ADGRA3: variants seen among roughly 807,000 people sequenced by gnomAD.
The protein encoded by ADGRA3 is adhesion G protein-coupled receptor A3.
In ADGRA3, 56 loss-of-function variants were observed where a neutral mutation model predicts 119.8. The ratio of observed to expected loss-of-function variants is 0.47; its 90% CI spans 0.38 to 0.58. The LOEUF (loss-of-function observed/expected upper bound fraction) is 0.58. Ranked by LOEUF, ADGRA3 falls within the 20% of genes least tolerant of loss-of-function variation. ADGRA3 has a pLI of 0.00. For synonymous variants in ADGRA3, 607 were observed against 623.8 expected (o/e 0.97, Z 0.40); for missense variants, 1,516 against 1,649.0 (o/e 0.92, Z 1.40).
At chr4:22,488,607 T>C (rs183724169) in intron 1 of ADGRA3, among the ~76,000 whole-genome samples, 213 of 152,254 alleles carry the variant, frequency 1.4e-3, no homozygotes, top group Non-Finnish European at 2.6e-3. Context: ...TTCGGGGATC[T>C]AGAGGCCAAA....
intron 10 of ADGRA3, among the ~76,000 whole-genome samples, chr4:22,427,236 C>T (rs945405910): frequency 6.6e-6 from 1 of 152,076 alleles, no homozygotes. Context: ...TTGTAAGGCA[C>T]CACTGAAATA....
chr4:22,421,800 A>C (rs1715697760), intron 11 of ADGRA3, among the ~76,000 whole-genome samples: 1 of 146,378 alleles, frequency 6.8e-6, no homozygotes, highest in Non-Finnish European at 1.5e-5. Flanking sequence ...GAATTGCTTG[A>C]ACTTAGGGAG....
chr4:22,499,033 G>C (rs544877856), intron 1 of ADGRA3, among the ~76,000 whole-genome samples: 1 of 152,178 alleles, frequency 6.6e-6, no homozygotes, highest in South Asian at 2.1e-4. Context: ...GTAAGTGAGG[G>C]GCAATTAGTA....
In ADGRA3 at chr4:22,419,594, T is replaced by C. The variant is rs572185982; in HGVS notation, c.1809+1292A>G. On this transcript the variant is annotated intron_variant, in intron 12 of 18. Coordinates refer to ENST00000334304, the MANE Select transcript of ADGRA3 (RefSeq NM_145290.4). The stretch of plus-strand genomic sequence containing the variant: ...TTACCCAGAGGGGTAGGTTGTGAAA[T>C]TGATGAAATGTAGGGTTTCGTCATT... 3.3e-5 allele frequency among the ~76,000 whole-genome samples: 5 copies of C among 152,276 alleles called. No individual in the cohort carries two copies. The South Asian group carries it at 1.0e-3, about 32-fold the overall frequency.
intron 1 of ADGRA3, among the ~76,000 whole-genome samples, chr4:22,486,850 A>G (rs141178653): frequency 6.6e-6 from 1 of 152,210 alleles, no homozygotes; most frequent in Admixed American, 6.5e-5. Context: ...CCTCATCTGT[A>G]TATCATCCCA....
At chr4:22,508,953 G>A (rs79188048) in intron 1 of ADGRA3, among the ~76,000 whole-genome samples, 4,263 of 152,000 alleles carry the variant, frequency 0.028, 76 homozygotes, top group African/African-American at 0.041. Context: ...TTCCCTCTTC[G>A]TCCCACCTGC....
intron 1 of ADGRA3, among the ~76,000 whole-genome samples, chr4:22,496,749 T>C (rs1421928026): frequency 6.6e-6 from 1 of 152,186 alleles, no homozygotes. Context: ...GGAACCCTGA[T>C]ATATACAAAA....
At chr4:22,401,704 CACAT>C (rs555939260) in intron 15 of ADGRA3, 150 bp from the exon 16 acceptor site, 16,521 of 342,928 alleles carry the variant, frequency 0.048, 17 homozygotes, top group Non-Finnish European at 0.058. Context: ...GACACACACA[CACAT>C]ACACACACGC....
chr4:22,406,593 T>C (rs974728941), intron 14 of ADGRA3, among the ~76,000 whole-genome samples: 3 of 152,198 alleles, frequency 2.0e-5, no homozygotes, highest in Admixed American at 6.5e-5. Flanking sequence ...TGTTGGTCAT[T>C]TGTATGTCTT....
At chr4:22,437,029 A>G (rs1236796559) in intron 8 of ADGRA3, among the ~76,000 whole-genome samples, 1 of 152,240 alleles carries the variant, frequency 6.6e-6, no homozygotes, top group African/African-American at 2.4e-5. Context: ...TCATTGATCT[A>G]TAAACATTTA....
In ADGRA3 at chr4:22,442,685, T is replaced by C. The variant is rs1204760069; in HGVS notation, c.885A>G (p.Glu295=). Residue 295 remains glutamate, a synonymous_variant, in exon 7 of 19, where the codon GAA becomes GAG. Transcript: ENST00000334304. ...ETDESQGIFV[E]KNMIHNCSLI... is the part of the protein sequence containing the mutation. ...AGGAGCAGTTGTGAATCATGTTCTT[T>C]TCAACAAAAATACCTTGCGATTCAT... 3 of 1,613,664 alleles carry C rather than the reference T, an allele frequency of 1.9e-6. No homozygotes were observed. The highest frequency in any genetic ancestry group is 2.5e-6 in the Non-Finnish European group (3 of 1,179,756).
rs550354702 is a variant in ADGRA3 at position 22,515,437 on chromosome 4, G to C, written c.257+91C>G. 7 of 1,449,074 alleles carry C rather than the reference G, an allele frequency of 4.8e-6. No individual in the cohort carries two copies. In the African/African-American group the frequency reaches 7.3e-5, roughly 15 times the overall value. The allele number at this position is 1,449,074 out of a possible 1,614,324, so 89.8% of individuals were successfully genotyped here. A position where few individuals can be genotyped will look rare whatever the true frequency, so the allele number is the denominator to read the frequency against. On this transcript the variant is annotated intron_variant, in intron 1 of 18. Coordinates refer to ENST00000334304, the MANE Select transcript of ADGRA3 (RefSeq NM_145290.4). ...TGCCTACAGCTCCACACAAAGGCGC[G>C]TGGGTGCCGGCTGGACCCTGCTCCA...
Position 22,388,741 on chromosome 4 carries a change from G to C in ADGRA3, c.2930C>G (p.Ser977Cys). The C allele has an allele frequency of 1.2e-6, 2 of 1,614,016 alleles. No homozygotes were observed. The highest frequency in any genetic ancestry group is 8.5e-7 in the Non-Finnish European group (1 of 1,179,936). ...GGCTGATGTAGAAATCAGAGACAAA[G>C]ACATTGAATCCTGATGATTTATTTC... ...NGEINHQDSMSLSLISTSALE... is the reference protein window; with the variant it reads ...NGEINHQDSMCLSLISTSALE... Residue 977 changes from serine (S) to cysteine (C), a missense_variant, in exon 19 of 19, where the codon TCT becomes TGT. Physicochemically the swap from Ser to Cys is moderately radical, Grantham distance 112. Around this residue, in one of 2 missense-constraint regions of ADGRA3, gnomAD observed 1,088 missense variants for 1,107.1 expected, o/e 0.98. Transcript: ENST00000334304.
intron 14 of ADGRA3, among the ~76,000 whole-genome samples, chr4:22,406,290 G>A (rs559844001): frequency 8.5e-5 from 13 of 152,122 alleles, no homozygotes; most frequent in African/African-American, 1.9e-4. Flanking sequence ...AAATGTGAGC[G>A]CAGGTATCTC....
chr4:22,430,696 G>C (rs1394931018), intron 10 of ADGRA3, among the ~76,000 whole-genome samples: 2 of 152,082 alleles, frequency 1.3e-5, no homozygotes, highest in South Asian at 2.1e-4. Flanking sequence ...AAATTCCAGC[G>C]GGCTGCAGAA....
intron 5 of ADGRA3, 43 bp downstream of exon 5, chr4:22,447,397 A>T: frequency 2.6e-6 from 3 of 1,159,336 alleles, no homozygotes; most frequent in Non-Finnish European, 1.2e-6. Context: ...TCAAAAAGAC[A>T]TGAAAATCAA....
At chr4:22,494,201 T>G (rs922974347) in intron 1 of ADGRA3, among the ~76,000 whole-genome samples, 4 of 145,998 alleles carry the variant, frequency 2.7e-5, no homozygotes, top group African/African-American at 1.0e-4. Flanking sequence ...CAAGACTCTG[T>G]CTCAGAAAAA....
At chr4:22,508,662 CT>C (rs1190723347) in intron 1 of ADGRA3, among the ~76,000 whole-genome samples, 1 of 152,168 alleles carries the variant, frequency 6.6e-6, no homozygotes, top group Non-Finnish European at 1.5e-5. Context: ...TCCTCTCTCC[CT>C]TGGCTGCACT....
chr4:22,436,500 A>T lies in ADGRA3; in HGVS notation c.1227T>A (p.Asp409Glu), dbSNP rs892565695. 6.2e-7 allele frequency: 1 copy of T among 1,613,050 alleles called. No individual in the cohort carries two copies. The highest frequency in any genetic ancestry group is 1.7e-5 in the Admixed American group (1 of 60,014). ...RCDRGGFWADDDYSRCQYAND... is the reference protein window; with the variant it reads ...RCDRGGFWADEDYSRCQYAND... ...TTGCATACTGACAGCGAGAATAATCATCATCTGCCCAAAAGCCACCTCTAT... is the reference window on the plus strand; with the variant it reads ...TTGCATACTGACAGCGAGAATAATCTTCATCTGCCCAAAAGCCACCTCTAT... The change falls in exon 9 of 19, where the codon GAT becomes GAA. Residue 409 changes from aspartate to glutamate, a missense_variant. This residue lies in a region of ADGRA3 where 428 missense variants were observed against 541.9 expected (regional missense o/e 0.79). Coordinates refer to ENST00000334304, the MANE Select transcript of ADGRA3 (RefSeq NM_145290.4).
Sources: gnomAD v4.1 joint callset for allele counts (sites outside exome capture counted in the v4.1 genomes callset) on GRCh38, gnomAD v4.1.1 for gene constraint, gnomAD v4.1.1 regional missense constraint, MANE v1.5 for transcripts, NCBI Gene and HGNC (gene_info 2026-07-23, HGNC 2026-07-21) for gene names.